Variants in GSAP observed in about 807,000 individuals in gnomAD.
GSAP encodes gamma-secretase-activating protein.
A neutral mutation model predicts 131.7 loss-of-function variants in GSAP; 118 were observed. The ratio of observed to expected loss-of-function variants is 0.90; its 90% CI spans 0.77 to 1.04. GSAP has a LOEUF of 1.04. GSAP is among the 50% of genes least tolerant of loss of function. GSAP has a pLI of 0.00. For missense variants in GSAP, 1,019 were observed against 1,013.2 expected, an observed-to-expected ratio of 1.01 and a Z score of -0.08; for synonymous variants, 381 against 363.4, an observed-to-expected ratio of 1.05 and a Z score of -0.55.
chr7:77,376,659 C>A (rs926214343), intron 10 of GSAP, among the ~76,000 whole-genome samples, 189 bp downstream of exon 10: 36 of 151,574 alleles, frequency 2.4e-4, no homozygotes, highest in Admixed American at 3.9e-4. Flanking sequence ...TGCCTGTAGT[C>A]CTAGCTACTC....
Position 77,397,566 on chromosome 7 carries a change from C to T in GSAP, c.244-151G>A, listed in dbSNP as rs1800624747. Reference sequence around the variant, plus strand: ...ACTAGTTTAGCTATGCTGACACATTCCAGAGTACTCTTTACCAAAAAAAAG... The same window carrying T: ...ACTAGTTTAGCTATGCTGACACATTTCAGAGTACTCTTTACCAAAAAAAAG... On this transcript the variant is annotated intron_variant, in intron 3 of 30. Transcript: ENST00000257626. 5 of 536,322 alleles carry T rather than the reference C, an allele frequency of 9.3e-6. No individual in the cohort carries two copies. In the East Asian group the frequency reaches 1.6e-4, roughly 17 times the overall value. 33.2% of individuals were successfully genotyped at this position (536,322 alleles called of 1,614,324 possible).
chr7:77,360,897 GTGTCC>G lies in GSAP; in HGVS notation c.950-1_953del. 1 of 1,582,908 alleles carries G rather than the reference GTGTCC, an allele frequency of 6.3e-7. No individual in the cohort carries two copies. The highest frequency in any genetic ancestry group is 8.7e-7 in the Non-Finnish European group (1 of 1,152,046). On this transcript the variant is annotated splice_acceptor_variant and coding_sequence_variant, in exon 14 of 31. Coordinates refer to ENST00000257626, the MANE Select transcript of GSAP (RefSeq NM_017439.4). LOFTEE classifies it high-confidence loss of function. ...CAAGAGAAGTGGTGAAGGTCTTGCT[GTGTCC>G]TGCAAAGAGAGAATATGAAGCCAGA...
At chr7:77,336,632 G>T (rs1050897110) in intron 19 of GSAP, among the ~76,000 whole-genome samples, 2 of 152,100 alleles carry the variant, frequency 1.3e-5, no homozygotes, top group Non-Finnish European at 2.9e-5. Flanking sequence ...GGGACTACAG[G>T]CGCCTGCCAC....
intron 19 of GSAP, among the ~76,000 whole-genome samples, chr7:77,345,665 C>G (rs941837771): frequency 6.6e-6 from 1 of 152,178 alleles, no homozygotes; most frequent in African/African-American, 2.4e-5. Context: ...AGAAGCTCCC[C>G]CACTGAGCAA....
intron 12 of GSAP, among the ~76,000 whole-genome samples, chr7:77,371,442 T>C (rs1220611022): frequency 2.0e-5 from 3 of 151,190 alleles, no homozygotes; most frequent in Admixed American, 6.6e-5. Context: ...TTTTTTTTTT[T>C]TTTTTTTTTT....
chr7:77,416,005 T>A (rs1244455040), intron 1 of GSAP: 22 of 428,468 alleles, frequency 5.1e-5, no homozygotes, highest in African/African-American at 2.1e-5. Context: ...CACGGCGACC[T>A]GGCCCGGGCT....
At chr7:77,403,635 A>C (rs1468298484) in intron 3 of GSAP, among the ~76,000 whole-genome samples, 2 of 152,228 alleles carry the variant, frequency 1.3e-5, no homozygotes, top group Non-Finnish European at 2.9e-5. Context: ...AGACATGTGA[A>C]GGTTAAGCAG....
intron 6 of GSAP, among the ~76,000 whole-genome samples, chr7:77,386,200 T>C (rs1035530347): frequency 6.6e-6 from 1 of 152,196 alleles, no homozygotes; most frequent in African/African-American, 2.4e-5. Context: ...AAAAGATGTA[T>C]TGACATTTTT....
chr7:77,316,433 G>A (rs1794974924), intron 26 of GSAP: 1 of 152,014 alleles, frequency 6.6e-6, no homozygotes, highest in Admixed American at 6.6e-5. Flanking sequence ...TCAAGGGTCA[G>A]ATGAAGTACA....
intron 19 of GSAP, among the ~76,000 whole-genome samples, chr7:77,337,003 A>C (rs905345088): frequency 6.6e-6 from 1 of 152,226 alleles, no homozygotes; most frequent in African/African-American, 2.4e-5. Context: ...ACAATTTTTT[A>C]AAATTGTAAA....
At chr7:77,413,057 C>T (rs1160592947) in intron 1 of GSAP, among the ~76,000 whole-genome samples, 1 of 152,182 alleles carries the variant, frequency 6.6e-6, no homozygotes, top group Non-Finnish European at 1.5e-5. Flanking sequence ...AAGCCACCCA[C>T]TGGAAAAATA....
At chr7:77,332,322 C>G (rs1442713172) in intron 19 of GSAP, among the ~76,000 whole-genome samples, 7 of 152,206 alleles carry the variant, frequency 4.6e-5, no homozygotes, top group African/African-American at 7.2e-5. Context: ...GAGGTAGGCA[C>G]ATTTTTCATA....
chr7:77,333,551 C>G (rs11983527), intron 19 of GSAP, among the ~76,000 whole-genome samples: 95,930 of 152,020 alleles, frequency 0.63, 31,588 homozygotes, highest in African/African-American at 0.81. Flanking sequence ...CCAGGACTGA[C>G]AACAGTGAGC....
chr7:77,353,311 GA>G lies in GSAP; in HGVS notation c.1408+260del, dbSNP rs559640020. Among the ~76,000 whole-genome samples the G allele has an allele frequency of 6.6e-5, 10 of 150,626 alleles. No homozygotes were observed. The South Asian group carries it at 1.9e-3, about 28-fold the overall frequency. On this transcript the variant is annotated intron_variant, in intron 17 of 30. Transcript: ENST00000257626. ...GGGCTAAGAAAGTTACATCTTACTG[GA>G]AAAAAAAATCACTAATAAGGTTATA...
intron 5 of GSAP, among the ~76,000 whole-genome samples, 198 bp downstream of exon 5, chr7:77,396,784 A>G (rs1351404319): frequency 3.3e-5 from 5 of 151,812 alleles, no homozygotes; most frequent in African/African-American, 4.8e-5. Context: ...CTGTTAGAAC[A>G]TTGTCTGTCC....
chr7:77,392,439 T>C (rs776415336), intron 5 of GSAP, among the ~76,000 whole-genome samples: 19 of 151,498 alleles, frequency 1.3e-4, no homozygotes, highest in Non-Finnish European at 2.4e-4. Context: ...TCCCAGCTAC[T>C]CGGGAAACTG....
intron 14 of GSAP, among the ~76,000 whole-genome samples, chr7:77,357,253 C>A (rs1021569014): frequency 6.6e-6 from 1 of 152,102 alleles, no homozygotes; most frequent in African/African-American, 2.4e-5. Context: ...ATTTTTGTCT[C>A]ACCAAAAGGG....
chr7:77,401,667 G>C (rs1189372179), intron 3 of GSAP, among the ~76,000 whole-genome samples: 1 of 152,164 alleles, frequency 6.6e-6, no homozygotes, highest in East Asian at 1.9e-4. Context: ...CATGGAAAGA[G>C]CAAATATATA....
At chr7:77,320,065 T>C (rs1419904819) in intron 26 of GSAP, among the ~76,000 whole-genome samples, 1 of 152,212 alleles carries the variant, frequency 6.6e-6, no homozygotes, top group Non-Finnish European at 1.5e-5. Flanking sequence ...TGATATGTAA[T>C]GAGCACAAGA....
Sources: gnomAD v4.1 joint callset for allele counts (sites outside exome capture counted in the v4.1 genomes callset) on GRCh38, gnomAD v4.1.1 for gene constraint, MANE v1.5 for transcripts, NCBI Gene and HGNC (gene_info 2026-07-23, HGNC 2026-07-21) for gene names.